Variants in CORO1C observed in about 807,000 individuals in gnomAD.
CORO1C encodes coronin-1C.
CORO1C carries 14 observed loss-of-function variants against 51.2 expected under a neutral mutation model. That is an observed-to-expected ratio of 0.27 (90% CI 0.18 to 0.43). The LOEUF is 0.43. Among genes scored for constraint, CORO1C ranks in the 20% least tolerant of loss-of-function variants. The pLI is 1.00. For missense variants in CORO1C, 417 were observed against 607.8 expected, an observed-to-expected ratio of 0.69 and a Z score of 3.30; for synonymous variants, 181 against 210.5, an observed-to-expected ratio of 0.86 and a Z score of 1.21.
At chr12:108,689,032 G>GAAA (rs11449783) in intron 2 of CORO1C, among the ~76,000 whole-genome samples, 2 of 110,336 alleles carry the variant, frequency 1.8e-5, no homozygotes, top group Admixed American at 9.7e-5. Context: ...CTCTGTCTCA[G>GAAA]AAAAAAAAAA....
chr12:108,702,071 AT>A (rs1306710906), intron 1 of CORO1C: 1 of 152,742 alleles, frequency 6.5e-6, no homozygotes, highest in Non-Finnish European at 1.5e-5. Context: ...GAGCAAAAGT[AT>A]TTAAATGGAA....
Position 108,726,171 on chromosome 12 carries a change from A to C in CORO1C, c.-6+5258T>G, listed in dbSNP as rs144623802. ...ATTAAAGTATTTTAAAAATAAACAT[A>C]ATCTGGGAGGCCGAGGCGGGCGGAT... On this transcript the variant is annotated intron_variant, in intron 1 of 10. Transcript: ENST00000261401. Among the ~76,000 whole-genome samples, 1,185 of 152,246 alleles carry C rather than the reference A, an allele frequency of 7.8e-3. 16 individuals are homozygous for C. Among genetic ancestry groups the C allele is most frequent in the African/African-American group, 0.027 (1,111 of 41,530 alleles).
chr12:108,649,528 C>T (rs1209824315), intron 8 of CORO1C: 1 of 166,596 alleles, frequency 6.0e-6, no homozygotes, highest in East Asian at 1.7e-4. Context: ...TAGCAAACCA[C>T]ATCGTACATG....
At chr12:108,725,638 A>G (rs542061854) in intron 1 of CORO1C, among the ~76,000 whole-genome samples, 1 of 152,274 alleles carries the variant, frequency 6.6e-6, no homozygotes, top group East Asian at 1.9e-4. Flanking sequence ...AGAACTACAG[A>G]AGGTACCCAT....
At chr12:108,687,274 G>A (rs2034326468) in intron 2 of CORO1C, among the ~76,000 whole-genome samples, 1 of 152,032 alleles carries the variant, frequency 6.6e-6, no homozygotes, top group Non-Finnish European at 1.5e-5. Context: ...TCCTCTTTAG[G>A]CACACTAAAT....
chr12:108,723,461 T>C (rs959620231), intron 1 of CORO1C, among the ~76,000 whole-genome samples: 33 of 152,224 alleles, frequency 2.2e-4, no homozygotes, highest in African/African-American at 7.5e-4. Context: ...CCCTATGATA[T>C]CAAAAGTAGA....
chr12:108,705,803 G>A (rs1255379655), intron 1 of CORO1C, among the ~76,000 whole-genome samples: 1 of 152,172 alleles, frequency 6.6e-6, no homozygotes, highest in Non-Finnish European at 1.5e-5. Flanking sequence ...TCCTAGGAAT[G>A]CGAGGTTGGG....
At chr12:108,654,030 G>A (rs1037358729) in intron 7 of CORO1C, among the ~76,000 whole-genome samples, 7 of 152,000 alleles carry the variant, frequency 4.6e-5, no homozygotes, top group Non-Finnish European at 1.0e-4. Flanking sequence ...TTTCACAAGA[G>A]CGCCCTGATT....
At chr12:108,729,868 C>CA (rs904202821) in intron 1 of CORO1C, among the ~76,000 whole-genome samples, 13 of 152,274 alleles carry the variant, frequency 8.5e-5, no homozygotes, top group African/African-American at 2.9e-4. Flanking sequence ...TATACTTAAT[C>CA]ATGTTTCTGT....
intron 3 of CORO1C, among the ~76,000 whole-genome samples, chr12:108,665,874 A>G (rs997380548): frequency 6.6e-6 from 1 of 152,200 alleles, no homozygotes; most frequent in Non-Finnish European, 1.5e-5. Flanking sequence ...CCTTTCCAGG[A>G]CTTAATATTG....
At chr12:108,682,080 C>G (rs2034143549) in intron 2 of CORO1C, among the ~76,000 whole-genome samples, 2 of 150,728 alleles carry the variant, frequency 1.3e-5, no homozygotes, top group Admixed American at 1.3e-4. Context: ...ACTACAATAG[C>G]TAGAATTTAA....
intron 3 of CORO1C, among the ~76,000 whole-genome samples, chr12:108,663,895 T>A (rs2033372094): frequency 6.6e-6 from 1 of 152,138 alleles, no homozygotes. Flanking sequence ...TGCAGAAGAC[T>A]CACCACATCT....
intron 1 of CORO1C, among the ~76,000 whole-genome samples, chr12:108,703,255 G>A (rs933445301): frequency 1.3e-5 from 2 of 152,142 alleles, no homozygotes; most frequent in African/African-American, 2.4e-5. Context: ...CCATGTCAGA[G>A]TTAACATCCT....
chr12:108,720,333 GT>G (rs771789247), intron 1 of CORO1C, among the ~76,000 whole-genome samples: 1 of 152,116 alleles, frequency 6.6e-6, no homozygotes, highest in Admixed American at 6.5e-5. Context: ...AAAATGTTGT[GT>G]TATCCTGCTT....
At chr12:108,675,310 C>G (rs2033867508) in intron 3 of CORO1C, among the ~76,000 whole-genome samples, 1 of 152,128 alleles carries the variant, frequency 6.6e-6, no homozygotes, top group Non-Finnish European at 1.5e-5. Flanking sequence ...CTCAACATAT[C>G]ACATAGCAAG....
At chr12:108,708,237 T>C (rs2035082447) in intron 1 of CORO1C, among the ~76,000 whole-genome samples, 1 of 152,172 alleles carries the variant, frequency 6.6e-6, no homozygotes, top group Non-Finnish European at 1.5e-5. Context: ...AAATACAGAC[T>C]ATCCATTGTA....
At chr12:108,721,845 C>T (rs1216919627) in intron 1 of CORO1C, among the ~76,000 whole-genome samples, 1 of 152,010 alleles carries the variant, frequency 6.6e-6, no homozygotes, top group Non-Finnish European at 1.5e-5. Context: ...ATCAACTTTC[C>T]AAAGGTCACA....
At chr12:108,650,785 T>C (rs1450806248) in intron 8 of CORO1C, among the ~76,000 whole-genome samples, 1 of 152,256 alleles carries the variant, frequency 6.6e-6, no homozygotes, top group East Asian at 1.9e-4. Context: ...TGTCGAACTT[T>C]TAGATGACAA....
At chr12:108,711,749 C>T (rs2035187190) in intron 1 of CORO1C, among the ~76,000 whole-genome samples, 1 of 151,202 alleles carries the variant, frequency 6.6e-6, no homozygotes, top group African/African-American at 2.4e-5. Context: ...GGAAAAAATG[C>T]AGACAAGACA....
Sources: allele counts gnomAD v4.1 joint callset (sites outside exome capture counted in the v4.1 genomes callset), GRCh38; gene constraint gnomAD v4.1.1; transcripts MANE v1.5; gene names NCBI Gene and HGNC (gene_info 2026-07-23, HGNC 2026-07-21).